XRCC6: variants seen among roughly 807,000 people sequenced by gnomAD.
XRCC6 encodes DNA repair protein Ku70.
In XRCC6, 5 loss-of-function variants were observed where a neutral mutation model predicts 65.7. The observed-to-expected ratio is 0.08, with a 90% CI of 0.04 to 0.16. The LOEUF (loss-of-function observed/expected upper bound fraction) is 0.16. Ranked by LOEUF, XRCC6 falls within the 10% of genes least tolerant of loss-of-function variation. The pLI, the probability that XRCC6 is intolerant of heterozygous loss-of-function variation, is 1.00. For missense variants in XRCC6, 447 were observed against 738.1 expected, an observed-to-expected ratio of 0.61 and a Z score of 4.57; for synonymous variants, 270 against 270.6, an observed-to-expected ratio of 1.00 and a Z score of 0.02.
intron 3 of XRCC6, among the ~76,000 whole-genome samples, chr22:41,629,533 C>CA (rs1334538255): frequency 6.6e-6 from 1 of 152,102 alleles, no homozygotes; most frequent in East Asian, 1.9e-4. Context: ...TTACCTGAGG[C>CA]ACAGGGAAGA....
At chr22:41,635,168 C>T (rs2067796081) in intron 3 of XRCC6, among the ~76,000 whole-genome samples, 1 of 152,196 alleles carries the variant, frequency 6.6e-6, no homozygotes, top group Non-Finnish European at 1.5e-5. Context: ...CTCCCCTATA[C>T]TTTAAGTCAT....
intron 3 of XRCC6, among the ~76,000 whole-genome samples, chr22:41,633,181 GTTAAT>G (rs1048826860): frequency 6.6e-6 from 1 of 151,976 alleles, no homozygotes; most frequent in African/African-American, 2.4e-5. Flanking sequence ...AAAAACAATC[GTTAAT>G]TTAAAGTGGT....
intron 2 of XRCC6, among the ~76,000 whole-genome samples, chr22:41,625,919 ATC>A (rs1250952765): frequency 2.6e-5 from 4 of 152,152 alleles, no homozygotes; most frequent in African/African-American, 9.7e-5. Flanking sequence ...GCTCGCTGCA[ATC>A]TCTGCCTCCC....
chr22:41,647,120 A>G (rs1448015217), intron 7 of XRCC6, 38 bp downstream of exon 7: 1 of 1,607,258 alleles, frequency 6.2e-7, no homozygotes, highest in East Asian at 2.2e-5. Flanking sequence ...TGTTTTTGAG[A>G]CAGGGTCTCA....
rs558954922 is a variant in XRCC6, at chr22:41,639,756, G to A, written c.773+1965G>A. Among the ~76,000 whole-genome samples, 109 of 147,392 alleles carry A rather than the reference G, an allele frequency of 7.4e-4. 1 individual carries two copies. The highest frequency in any genetic ancestry group is 3.5e-3 in the Middle Eastern group (1 of 282). On this transcript the variant is annotated intron_variant, in intron 6 of 12. Transcript: ENST00000360079. ...CAGGTCACTGCAAGCTCCGCCTCCCGGGTTCATGCCATTCTCCTGCCTCAG... is the reference window on the plus strand; with the variant it reads ...CAGGTCACTGCAAGCTCCGCCTCCCAGGTTCATGCCATTCTCCTGCCTCAG...
chr22:41,655,713 T>A (rs1447727422), intron 9 of XRCC6, among the ~76,000 whole-genome samples: 4 of 128,144 alleles, frequency 3.1e-5, no homozygotes, highest in East Asian at 2.1e-4. Flanking sequence ...AAAAAAAAAA[T>A]AGTTTTTTCC....
At chr22:41,621,755 C>G in intron 1 of XRCC6, 1 of 495,230 alleles carries the variant, frequency 2.0e-6, no homozygotes, top group Non-Finnish European at 3.6e-6. Context: ...ATCTGGCTTC[C>G]GCGGGCCGCC....
At chr22:41,639,323 C>CTTTTTA (rs1569087438) in intron 6 of XRCC6, among the ~76,000 whole-genome samples, 1 of 59,088 alleles carries the variant, frequency 1.7e-5, no homozygotes, top group Non-Finnish European at 3.8e-5. Context: ...TTGCTAGATT[C>CTTTTTA]TTTTTCTTTT....
At chr22:41,663,485 C>G in intron 12 of XRCC6, 137 bp from the exon 13 acceptor site, 2 of 928,532 alleles carry the variant, frequency 2.2e-6, no homozygotes, top group Non-Finnish European at 3.3e-6. Flanking sequence ...ATAAGTCTTC[C>G]CCATGGTGTC....
chr22:41,651,026 C>A, intron 8 of XRCC6, 135 bp downstream of exon 8: 2 of 1,225,176 alleles, frequency 1.6e-6, no homozygotes, highest in South Asian at 1.5e-5. Flanking sequence ...TCAAGCTCTG[C>A]CTGGTGCAGT....
At chr22:41,635,948 G>T (rs1431362541) in intron 3 of XRCC6, among the ~76,000 whole-genome samples, 165 bp from the exon 4 acceptor site, 1 of 152,052 alleles carries the variant, frequency 6.6e-6, no homozygotes, top group Non-Finnish European at 1.5e-5. Context: ...TGATATTTAT[G>T]CCCATTACTT....
Position 41,622,010 on chromosome 22 carries a change from A to G in XRCC6, c.6A>G (p.Ser2=), listed in dbSNP as rs2067612745. The G allele has an allele frequency of 1.2e-6, 2 of 1,614,124 alleles. No individual in the cohort carries two copies. Among genetic ancestry groups the G allele is most frequent in the Admixed American group, 1.7e-5 (1 of 60,002 alleles). The change falls in exon 2 of 13, where the codon TCA becomes TCG. Residue 2 remains serine (S), a synonymous_variant. Coordinates refer to ENST00000360079, the MANE Select transcript of XRCC6 (RefSeq NM_001469.5). M[S]GWESYYKTEG... ...CCTAGTGAGCAGTAGCCAACATGTC[A>G]GGGTGGGAGTCATATTACAAAACCG...
chr22:41,663,419 C>T (rs1209621906), intron 12 of XRCC6, among the ~76,000 whole-genome samples: 1 of 152,180 alleles, frequency 6.6e-6, no homozygotes, highest in African/African-American at 2.4e-5. Flanking sequence ...TTGTAATTTC[C>T]TCCTAGGTGT....
At chr22:41,628,918 A>T (rs2067708169) in intron 3 of XRCC6, among the ~76,000 whole-genome samples, 1 of 122,332 alleles carries the variant, frequency 8.2e-6, no homozygotes, top group African/African-American at 3.1e-5. Flanking sequence ...GTGAGCCGAG[A>T]TTGTGCCACT....
chr22:41,656,266 A>G (rs1052466156), intron 9 of XRCC6, among the ~76,000 whole-genome samples: 24 of 151,164 alleles, frequency 1.6e-4, no homozygotes, highest in African/African-American at 5.8e-4. Flanking sequence ...CACGTCTGTA[A>G]TCCCAGCACT....
intron 6 of XRCC6, among the ~76,000 whole-genome samples, chr22:41,640,587 CTT>C (rs1241989894): frequency 6.6e-6 from 1 of 152,144 alleles, no homozygotes; most frequent in Admixed American, 6.5e-5. Context: ...CCTTTGGTAA[CTT>C]TTAAGCAGTT....
At chr22:41,628,975 A>AC (rs1356802636) in intron 3 of XRCC6, among the ~76,000 whole-genome samples, 3 of 151,202 alleles carry the variant, frequency 2.0e-5, no homozygotes, top group Admixed American at 6.6e-5. Flanking sequence ...CAAAAAAAAA[A>AC]AAAAAAAAAA....
chr22:41,648,637 T>G (rs2067960182), intron 7 of XRCC6, among the ~76,000 whole-genome samples: 1 of 152,096 alleles, frequency 6.6e-6, no homozygotes, highest in Admixed American at 6.6e-5. Context: ...ATTGAATGAG[T>G]CATGCTTCCT....
chr22:41,636,119 C>G lies in XRCC6; in HGVS notation c.202C>G (p.Gln68Glu). ...TPFDMSIQCI[Q>E]SVYISKIISS... ...ATTGAATTTTTTTTTTCAGTGTATCCAAAGTGTGTACATCAGTAAGATCAT... is the reference window on the plus strand; with the variant it reads ...ATTGAATTTTTTTTTTCAGTGTATCGAAAGTGTGTACATCAGTAAGATCAT... The change falls in exon 4 of 13, where the codon CAA becomes GAA. Residue 68 changes from glutamine to glutamate, a missense_variant. Gln to Glu is a conservative substitution (Grantham distance 29). Coordinates refer to ENST00000360079, the MANE Select transcript of XRCC6 (RefSeq NM_001469.5). The G allele has an allele frequency of 6.3e-7, 1 of 1,575,074 alleles. No homozygotes were observed. Among genetic ancestry groups the G allele is most frequent in the Non-Finnish European group, 8.6e-7 (1 of 1,168,476 alleles).
Sources: gnomAD v4.1 joint callset for allele counts (sites outside exome capture counted in the v4.1 genomes callset) on GRCh38, gnomAD v4.1.1 for gene constraint, MANE v1.5 for transcripts, NCBI Gene and HGNC (gene_info 2026-07-23, HGNC 2026-07-21) for gene names.